DNER: variants seen among roughly 807,000 people sequenced by gnomAD.
The protein encoded by DNER is delta/notch like EGF repeat containing, also known as delta and Notch-like epidermal growth factor-related receptor.
In DNER, 33 loss-of-function variants were observed where a neutral mutation model predicts 78.2. The observed-to-expected ratio is 0.42, with a 90% CI of 0.32 to 0.56. DNER has a LOEUF of 0.56. Ranked by LOEUF, DNER falls within the 20% of genes least tolerant of loss-of-function variation. The pLI is 0.11. For missense variants in DNER, 918 were observed against 975.3 expected, an observed-to-expected ratio of 0.94 and a Z score of 0.78; for synonymous variants, 417 against 384.8, an observed-to-expected ratio of 1.08 and a Z score of -0.98.
chr2:229,389,451 C>T (rs376265549), intron 10 of DNER, among the ~76,000 whole-genome samples: 7 of 151,696 alleles, frequency 4.6e-5, no homozygotes, highest in Admixed American at 1.3e-4. Flanking sequence ...AGTTTGAAAA[C>T]GAGAAAAAGA....
intron 4 of DNER, among the ~76,000 whole-genome samples, chr2:229,566,343 T>G (rs1413555108): frequency 6.6e-6 from 1 of 152,198 alleles, no homozygotes; most frequent in African/African-American, 2.4e-5. Context: ...AATTTTCAAG[T>G]GTTCAATGAG....
chr2:229,551,752 T>C (rs1036748037), intron 4 of DNER, among the ~76,000 whole-genome samples: 2 of 151,822 alleles, frequency 1.3e-5, no homozygotes, highest in Admixed American at 1.3e-4. Flanking sequence ...GCCAACATAG[T>C]GAAACCCCAT....
intron 1 of DNER, among the ~76,000 whole-genome samples, chr2:229,699,393 T>C (rs1339128661): frequency 6.6e-6 from 1 of 152,202 alleles, no homozygotes; most frequent in Non-Finnish European, 1.5e-5. Context: ...TGAGACAAGC[T>C]CTTGCTCTGC....
chr2:229,473,567 A>AT (rs1694972581), intron 7 of DNER, among the ~76,000 whole-genome samples: 1 of 152,132 alleles, frequency 6.6e-6, no homozygotes, highest in South Asian at 2.1e-4. Context: ...ATTAGTTAGT[A>AT]GACATAGTGA....
At chr2:229,649,591 C>T (rs1279491597) in intron 1 of DNER, among the ~76,000 whole-genome samples, 1 of 152,186 alleles carries the variant, frequency 6.6e-6, no homozygotes, top group Admixed American at 6.5e-5. Context: ...TTGGCTCCAT[C>T]ACACCTGATG....
chr2:229,519,354 A>G (rs1696047449), intron 5 of DNER, among the ~76,000 whole-genome samples: 1 of 152,076 alleles, frequency 6.6e-6, no homozygotes, highest in African/African-American at 2.4e-5. Flanking sequence ...TTATAATTCT[A>G]TTTTACTTTC....
intron 5 of DNER, among the ~76,000 whole-genome samples, chr2:229,536,449 G>A (rs574875153): frequency 1.3e-5 from 2 of 152,354 alleles, no homozygotes; most frequent in Admixed American, 1.3e-4. Flanking sequence ...CTCTTTGGGA[G>A]CAAGCAGATG....
chr2:229,541,758 C>A (rs1163115484), intron 5 of DNER, among the ~76,000 whole-genome samples: 1 of 151,714 alleles, frequency 6.6e-6, no homozygotes. Context: ...TTTCCTGAGT[C>A]TCCAGTCTAT....
intron 3 of DNER, among the ~76,000 whole-genome samples, chr2:229,586,325 A>G (rs1697494136): frequency 6.6e-6 from 1 of 151,808 alleles, no homozygotes; most frequent in Admixed American, 6.6e-5. Context: ...ATATAAAAAG[A>G]GTTTTGCTTA....
At chr2:229,625,439 T>C (rs1217560821) in intron 1 of DNER, among the ~76,000 whole-genome samples, 1 of 151,986 alleles carries the variant, frequency 6.6e-6, no homozygotes, top group Non-Finnish European at 1.5e-5. Flanking sequence ...CCTCCACTGC[T>C]CAGGTGAACA....
chr2:229,580,664 T>A (rs765564264), intron 4 of DNER, among the ~76,000 whole-genome samples: 1 of 152,086 alleles, frequency 6.6e-6, no homozygotes, highest in Non-Finnish European at 1.5e-5. Flanking sequence ...AAATTTCAGA[T>A]GGAGGTAACA....
At chr2:229,499,931 C>CTTTCTTTT (rs1286404166) in intron 6 of DNER, among the ~76,000 whole-genome samples, 16,181 of 134,648 alleles carry the variant, frequency 0.12, 1,105 homozygotes, top group South Asian at 0.2. Context: ...GACTTTCTTT[C>CTTTCTTTT]TTTTTTTTTT....
At chr2:229,406,617 A>G (rs1307557297) in intron 10 of DNER, among the ~76,000 whole-genome samples, 4 of 152,204 alleles carry the variant, frequency 2.6e-5, no homozygotes, top group African/African-American at 9.7e-5. Context: ...ACATACACGT[A>G]CAAACCACAT....
rs368820466 is a variant in DNER, at chr2:229,689,528, G to GA, written c.276+24619dup. On this transcript the variant is annotated intron_variant, in intron 1 of 12. Transcript: ENST00000341772. ...TGTAACCTGGCAGGACATCAAGTCA[G>GA]AAAAAAAAATATGTTTAACTCAGAT... Among the ~76,000 whole-genome samples, 1,196 of 151,184 alleles carry GA rather than the reference G, an allele frequency of 7.9e-3. 19 individuals carry two copies. The highest frequency in any genetic ancestry group is 0.027 in the African/African-American group (1,129 of 41,258).
chr2:229,498,129 A>C (rs1463070547), intron 6 of DNER, among the ~76,000 whole-genome samples: 1 of 152,226 alleles, frequency 6.6e-6, no homozygotes, highest in Non-Finnish European at 1.5e-5. Flanking sequence ...CAACATATGC[A>C]AATCAATAAA....
chr2:229,585,892 C>G lies in DNER; in HGVS notation c.813G>C (p.Glu271Asp). The change falls in exon 4 of 13, where the codon GAG (glutamate) becomes GAC (aspartate). Residue 271 changes from glutamate to aspartate, a missense_variant. Glu to Asp is a conservative substitution (Grantham distance 45, BLOSUM62 2). Coordinates refer to ENST00000341772, the MANE Select transcript of DNER (RefSeq NM_139072.4). ...LQASGGLVLLEEMLALGNNHF... is the reference protein window; with the variant it reads ...LQASGGLVLLDEMLALGNNHF... ...GATTATTCCCCAAGGCGAGCATCTC[C>G]TCCAGGAGGACCAGTCCCCCTGAAG... 6.2e-7 allele frequency: 1 copy of G among 1,614,066 alleles called. No homozygotes were observed. Among genetic ancestry groups the G allele is most frequent in the Non-Finnish European group, 8.5e-7 (1 of 1,180,000 alleles).
intron 11 of DNER, among the ~76,000 whole-genome samples, chr2:229,379,495 G>A (rs1412626567): frequency 6.6e-6 from 1 of 152,160 alleles, no homozygotes; most frequent in Non-Finnish European, 1.5e-5. Context: ...ATCACCAGAA[G>A]AAGTAAACTT....
chr2:229,547,751 T>A (rs1185071627), intron 4 of DNER, among the ~76,000 whole-genome samples: 1 of 152,228 alleles, frequency 6.6e-6, no homozygotes, highest in Non-Finnish European at 1.5e-5. Flanking sequence ...CTAATCATAG[T>A]TGAATATGGA....
At chr2:229,504,034 G>A (rs924613745) in intron 6 of DNER, among the ~76,000 whole-genome samples, 10 of 150,634 alleles carry the variant, frequency 6.6e-5, no homozygotes, top group Admixed American at 2.0e-4. Flanking sequence ...GTGAACTACC[G>A]TGCCCAGCTG....
Sources: gnomAD v4.1 joint callset for allele counts (sites outside exome capture counted in the v4.1 genomes callset) on GRCh38, gnomAD v4.1.1 for gene constraint, MANE v1.5 for transcripts, NCBI Gene and HGNC (gene_info 2026-07-23, HGNC 2026-07-21) for gene names.